Variants in SLC17A8 observed in about 807,000 individuals in gnomAD.
The protein encoded by SLC17A8 is solute carrier family 17 member 8.
SLC17A8 carries 31 observed loss-of-function variants against 58.0 expected under a neutral mutation model. The observed-to-expected ratio is 0.53, with a 90% CI of 0.40 to 0.72. The LOEUF is 0.72. SLC17A8 is among the 30% of genes least tolerant of loss of function. SLC17A8 has a pLI of 0.00. For missense variants in SLC17A8, 655 were observed against 727.8 expected (o/e 0.90, Z 1.15); for synonymous variants, 228 against 249.0 (o/e 0.92, Z 0.79).
intron 11 of SLC17A8, among the ~76,000 whole-genome samples, chr12:100,419,424 C>G (rs1952930939): frequency 6.6e-6 from 1 of 151,810 alleles, no homozygotes; most frequent in Non-Finnish European, 1.5e-5. Flanking sequence ...GTCCCAGCTA[C>G]TCAGAGGCTG....
chr12:100,358,747 C>T (rs1259083283), intron 1 of SLC17A8, among the ~76,000 whole-genome samples: 2 of 152,122 alleles, frequency 1.3e-5, no homozygotes, highest in African/African-American at 2.4e-5. Flanking sequence ...ATTGTGTTGG[C>T]GTTCATTTGA....
Position 100,420,239 on chromosome 12 carries a change from T to C in SLC17A8, c.*80T>C, listed in dbSNP as rs1952939432. The C allele has an allele frequency of 3.5e-6, 4 of 1,144,922 alleles. No individual in the cohort carries two copies. The Admixed American group carries it at 6.0e-5, about 17-fold the overall frequency. The allele number at this position is 1,144,922 out of a possible 1,614,324, so 70.9% of individuals were successfully genotyped here. ...CCTATTGCCTTTCTTGTAGCCCAGC[T>C]TGCCAGAGGTCCAAATATTGGGAGG... is the stretch of plus-strand genomic sequence containing the variant. On this transcript the variant is annotated 3_prime_UTR_variant, in exon 12 of 12. Transcript: ENST00000323346.
chr12:100,379,429 C>A (rs1445100195), intron 1 of SLC17A8, among the ~76,000 whole-genome samples: 1 of 92,386 alleles, frequency 1.1e-5, no homozygotes, highest in African/African-American at 5.7e-5. Flanking sequence ...ACCGAGATTC[C>A]GTCCCCAAAA....
intron 3 of SLC17A8, 80 bp from the exon 4 acceptor site, chr12:100,393,289 T>C: frequency 1.1e-6 from 1 of 908,310 alleles, no homozygotes; most frequent in African/African-American, 1.6e-5. Context: ...CATGAACTGT[T>C]AGGTTTGTTT....
intron 4 of SLC17A8, among the ~76,000 whole-genome samples, chr12:100,394,001 C>A (rs1280357179): frequency 6.6e-6 from 1 of 152,180 alleles, no homozygotes; most frequent in Non-Finnish European, 1.5e-5. Context: ...AATATGGAAA[C>A]AAATGGGCAT....
At chr12:100,402,178 T>A (rs1952795777) in intron 6 of SLC17A8, among the ~76,000 whole-genome samples, 162 bp from the exon 7 acceptor site, 1 of 152,178 alleles carries the variant, frequency 6.6e-6, no homozygotes, top group African/African-American at 2.4e-5. Context: ...GATAATTGGG[T>A]GTTCACGTGC....
chr12:100,383,529 C>T (rs1566392749), intron 2 of SLC17A8, among the ~76,000 whole-genome samples: 1 of 152,084 alleles, frequency 6.6e-6, no homozygotes, highest in Non-Finnish European at 1.5e-5. Flanking sequence ...CTCTGAATGG[C>T]TGGTATGTTT....
chr12:100,365,847 T>G (rs1027829462), intron 1 of SLC17A8, among the ~76,000 whole-genome samples: 16 of 152,174 alleles, frequency 1.1e-4, no homozygotes, highest in African/African-American at 3.6e-4. Context: ...AATGTGATGT[T>G]CTGCAGCAGG....
chr12:100,421,280 G>C lies in SLC17A8; in HGVS notation c.*1121G>C, dbSNP rs1952946420. 6.6e-6 allele frequency: 1 copy of C among 152,016 alleles called. No individual in the cohort carries two copies. The allele number at this position is 152,016 out of a possible 1,614,324, so 9.4% of individuals were successfully genotyped here. ...TGTATCTCTTTAGCCTTTTCTGCTGGAGATTATATTAGGAAGTTTCATCAG... is the reference window on the plus strand; with the variant it reads ...TGTATCTCTTTAGCCTTTTCTGCTGCAGATTATATTAGGAAGTTTCATCAG... On this transcript the variant is annotated 3_prime_UTR_variant, in exon 12 of 12. Coordinates refer to ENST00000323346, the MANE Select transcript of SLC17A8 (RefSeq NM_139319.3).
chr12:100,384,407 C>T (rs1027580697), intron 2 of SLC17A8, among the ~76,000 whole-genome samples: 3 of 152,144 alleles, frequency 2.0e-5, no homozygotes, highest in Admixed American at 2.0e-4. Context: ...CTAGACTAGC[C>T]TGGCCAACAT....
intron 2 of SLC17A8, among the ~76,000 whole-genome samples, chr12:100,387,964 G>A (rs1252791481): frequency 6.6e-6 from 1 of 152,160 alleles, no homozygotes; most frequent in Non-Finnish European, 1.5e-5. Flanking sequence ...AAAAGCCAGA[G>A]TTCCGGTGAT....
In SLC17A8 at chr12:100,401,761, T is replaced by A. The variant is rs1202212866; in HGVS notation, c.677-16T>A. On this transcript the variant is annotated splice_polypyrimidine_tract_variant and intron_variant, in intron 5 of 11. Coordinates refer to ENST00000323346, the MANE Select transcript of SLC17A8 (RefSeq NM_139319.3). ...ATGATGATTGGTCAGATTCCCTCAA[T>A]CTTTTCTTGTTCCAGGTTCCTATGC... is the stretch of plus-strand genomic sequence containing the variant. 4.4e-6 allele frequency: 7 copies of A among 1,605,626 alleles called. No homozygotes were observed. In the South Asian group the frequency reaches 6.6e-5, roughly 15 times the overall value.
chr12:100,361,066 G>A (rs1448719011), intron 1 of SLC17A8, among the ~76,000 whole-genome samples: 1 of 152,198 alleles, frequency 6.6e-6, no homozygotes, highest in Non-Finnish European at 1.5e-5. Context: ...CTTGCTCTGA[G>A]ATCAGGTGAT....
At chr12:100,410,625 T>G (rs1258832250) in intron 9 of SLC17A8, 2 of 152,120 alleles carry the variant, frequency 1.3e-5, no homozygotes, top group African/African-American at 2.4e-5. Flanking sequence ...ACCACTGCAC[T>G]CCAGTCTGGG....
chr12:100,417,942 G>T, intron 10 of SLC17A8, 87 bp from the exon 11 acceptor site: 1 of 1,560,482 alleles, frequency 6.4e-7, no homozygotes, highest in Non-Finnish European at 8.8e-7. Flanking sequence ...AAACAGATTG[G>T]TAAAGGCTGG....
chr12:100,402,000 CT>C, intron 6 of SLC17A8, 137 bp downstream of exon 6: 1 of 753,830 alleles, frequency 1.3e-6, no homozygotes, highest in Non-Finnish European at 2.3e-6. Flanking sequence ...AATACTTTAT[CT>C]ATGATTTGAT....
At chr12:100,366,027 C>T (rs1952518074) in intron 1 of SLC17A8, among the ~76,000 whole-genome samples, 1 of 145,530 alleles carries the variant, frequency 6.9e-6, no homozygotes, top group South Asian at 2.2e-4. Context: ...GTGGTAGTTC[C>T]CTGTCATCCA....
chr12:100,381,513 G>A (rs1461389583), intron 2 of SLC17A8, among the ~76,000 whole-genome samples: 1 of 151,882 alleles, frequency 6.6e-6, no homozygotes, highest in Non-Finnish European at 1.5e-5. Context: ...GTGTGGTGTG[G>A]TGGGAAGAAG....
Position 100,420,439 on chromosome 12 carries a change from A to G in SLC17A8, c.*280A>G, listed in dbSNP as rs543204090. 24 of 384,210 alleles carry G rather than the reference A, an allele frequency of 6.2e-5. No homozygotes were observed. The East Asian group carries it at 6.4e-4, about 10-fold the overall frequency. The allele number at this position is 384,210 out of a possible 1,614,324, so 23.8% of individuals were successfully genotyped here. Reference sequence around the variant, plus strand: ...TCAGAAAGGAATGACTAGAAGAAAAAGGAGACAATACCATGTTGTTCAAAG... The same window carrying G: ...TCAGAAAGGAATGACTAGAAGAAAAGGGAGACAATACCATGTTGTTCAAAG... On this transcript the variant is annotated 3_prime_UTR_variant, in exon 12 of 12. Transcript: ENST00000323346.
Sources: gnomAD v4.1 joint callset for allele counts (sites outside exome capture counted in the v4.1 genomes callset) on GRCh38, gnomAD v4.1.1 for gene constraint, MANE v1.5 for transcripts, NCBI Gene and HGNC (gene_info 2026-07-23, HGNC 2026-07-21) for gene names.